Variants in AFG1L observed in about 807,000 individuals in gnomAD.
The protein encoded by AFG1L is AFG1-like ATPase.
AFG1L carries 53 observed loss-of-function variants against 62.2 expected under a neutral mutation model. The ratio of observed to expected loss-of-function variants is 0.85; its 90% CI spans 0.68 to 1.07. The LOEUF (loss-of-function observed/expected upper bound fraction) is 1.07, where lower values mean the gene tolerates loss of function less well. AFG1L is among the 50% of genes least tolerant of loss of function. AFG1L has a pLI of 0.00. For synonymous variants in AFG1L, 228 were observed against 210.3 expected, an observed-to-expected ratio of 1.08 and a Z score of -0.73; for missense variants, 555 against 590.5, an observed-to-expected ratio of 0.94 and a Z score of 0.62.
intron 7 of AFG1L, among the ~76,000 whole-genome samples, chr6:108,419,715 CTG>C (rs1291624115): frequency 6.6e-6 from 1 of 151,994 alleles, no homozygotes; most frequent in Non-Finnish European, 1.5e-5. Context: ...TGTTTCTTGA[CTG>C]TTGTGCATCC....
chr6:108,493,053 A>G (rs952853035), intron 10 of AFG1L, among the ~76,000 whole-genome samples: 13 of 152,122 alleles, frequency 8.5e-5, no homozygotes, highest in African/African-American at 2.9e-4. Context: ...TATTAGGCTA[A>G]ATGCTTACTG....
chr6:108,474,120 C>T (rs868562777), intron 8 of AFG1L, among the ~76,000 whole-genome samples: 17 of 152,212 alleles, frequency 1.1e-4, no homozygotes, highest in Admixed American at 3.9e-4. Context: ...ACTTTAGAAG[C>T]GAGAACATGT....
intron 10 of AFG1L, among the ~76,000 whole-genome samples, chr6:108,482,807 C>T (rs1302248780): frequency 2.6e-5 from 4 of 151,636 alleles, no homozygotes; most frequent in Non-Finnish European, 5.9e-5. Context: ...ACTTTCATCA[C>T]ATCATGTCAA....
intron 1 of AFG1L, among the ~76,000 whole-genome samples, chr6:108,322,324 A>G (rs1278601967): frequency 6.6e-6 from 1 of 152,158 alleles, no homozygotes; most frequent in Non-Finnish European, 1.5e-5. Context: ...TTCATTCAAC[A>G]TTCTGTGTGC....
intron 1 of AFG1L, among the ~76,000 whole-genome samples, chr6:108,307,799 G>C (rs1777263218): frequency 6.6e-6 from 1 of 152,184 alleles, no homozygotes; most frequent in Admixed American, 6.5e-5. Flanking sequence ...TCCATTAGCA[G>C]TGTGTGAGAT....
At chr6:108,435,505 G>A (rs980278314) in intron 7 of AFG1L, among the ~76,000 whole-genome samples, 1 of 152,028 alleles carries the variant, frequency 6.6e-6, no homozygotes, top group Non-Finnish European at 1.5e-5. Context: ...GGGCAGCAAA[G>A]CCACACTCTG....
chr6:108,372,776 A>T (rs1174604475), intron 6 of AFG1L: 1 of 154,372 alleles, frequency 6.5e-6, no homozygotes, highest in African/African-American at 2.4e-5. Context: ...CAATCTTCAT[A>T]TGCTGTCCAG....
chr6:108,295,268 A>G, intron 1 of AFG1L, 50 bp downstream of exon 1: 3 of 1,553,768 alleles, frequency 1.9e-6, no homozygotes, highest in Non-Finnish European at 2.6e-6. Flanking sequence ...ATGACTGGAG[A>G]AGCCTCTGGG....
intron 1 of AFG1L, among the ~76,000 whole-genome samples, chr6:108,301,033 T>C (rs1471941204): frequency 1.3e-5 from 2 of 152,236 alleles, no homozygotes; most frequent in Non-Finnish European, 2.9e-5. Flanking sequence ...TTCATGTTTC[T>C]TGGATTTTTG....
chr6:108,471,249 C>T (rs1373404634), intron 8 of AFG1L, among the ~76,000 whole-genome samples: 2 of 152,074 alleles, frequency 1.3e-5, no homozygotes, highest in Non-Finnish European at 2.9e-5. Context: ...AAATTCTCAA[C>T]CTTCATAACT....
At chr6:108,462,108 A>G (rs1248920185) in intron 8 of AFG1L, among the ~76,000 whole-genome samples, 2 of 152,018 alleles carry the variant, frequency 1.3e-5, no homozygotes, top group Non-Finnish European at 2.9e-5. Flanking sequence ...AAAAGAAAAA[A>G]AAATCACAAA....
intron 10 of AFG1L, among the ~76,000 whole-genome samples, chr6:108,500,634 G>T (rs1291271365): frequency 6.6e-6 from 1 of 152,182 alleles, no homozygotes; most frequent in African/African-American, 2.4e-5. Flanking sequence ...AAACGTGAGT[G>T]CAGGTGTCTT....
In AFG1L at chr6:108,523,790, A is replaced by G. The variant is rs1582703445; in HGVS notation, c.*1365A>G. On this transcript the variant is annotated 3_prime_UTR_variant, in exon 13 of 13. Transcript: ENST00000368977. ...AAGGCAAGCAGGTAGATGGATGAGT[A>G]CCCAAGCCGAGAGAAGAGTTTAAAT... The G allele has an allele frequency of 6.6e-6, 1 of 152,132 alleles. No individual in the cohort carries two copies. Among genetic ancestry groups the G allele is most frequent in the Admixed American group, 6.5e-5 (1 of 15,268 alleles). The allele number at this position is 152,132 out of a possible 1,614,324, so 9.4% of individuals were successfully genotyped here.
At chr6:108,336,534 C>A (rs557980421) in intron 2 of AFG1L, among the ~76,000 whole-genome samples, 3 of 152,166 alleles carry the variant, frequency 2.0e-5, no homozygotes, top group East Asian at 1.9e-4. Flanking sequence ...ATATTAAAAT[C>A]ATTAAATCAA....
At chr6:108,364,645 G>A (rs891437748) in intron 5 of AFG1L, among the ~76,000 whole-genome samples, 2 of 152,052 alleles carry the variant, frequency 1.3e-5, no homozygotes, top group East Asian at 1.9e-4. Context: ...GTGCAAGCTC[G>A]TTCTGTCCTC....
chr6:108,402,205 C>T, intron 7 of AFG1L, 151 bp downstream of exon 7: 1 of 431,668 alleles, frequency 2.3e-6, no homozygotes, highest in Non-Finnish European at 4.1e-6. Context: ...TGGCTCATGC[C>T]TTTAATCCCA....
At chr6:108,342,990 G>A (rs922882322) in intron 2 of AFG1L, among the ~76,000 whole-genome samples, 1 of 151,690 alleles carries the variant, frequency 6.6e-6, no homozygotes, top group African/African-American at 2.4e-5. Context: ...TGTAGTATTT[G>A]CTAAAGTGCT....
chr6:108,413,716 C>G (rs1177884361), intron 7 of AFG1L, among the ~76,000 whole-genome samples: 1 of 152,016 alleles, frequency 6.6e-6, no homozygotes, highest in Non-Finnish European at 1.5e-5. Context: ...TTCTTTGAAA[C>G]CAACGAGAAC....
intron 6 of AFG1L, among the ~76,000 whole-genome samples, chr6:108,401,524 C>G (rs893203177): frequency 1.3e-5 from 2 of 152,112 alleles, no homozygotes; most frequent in African/African-American, 4.8e-5. Context: ...AACTCCTGAC[C>G]TCAAGTGGCC....
Sources: gnomAD v4.1 joint callset for allele counts (sites outside exome capture counted in the v4.1 genomes callset) on GRCh38, gnomAD v4.1.1 for gene constraint, MANE v1.5 for transcripts, NCBI Gene and HGNC (gene_info 2026-07-23, HGNC 2026-07-21) for gene names.